The following FKRP variants were observed in gnomAD, a reference collection of about 807,000 sequenced individuals.
FKRP encodes ribitol 5-phosphate transferase FKRP.
A neutral mutation model predicts 30.6 loss-of-function variants in FKRP; 25 were observed. That is an observed-to-expected ratio of 0.82 (90% confidence interval 0.60 to 1.14). The LOEUF is 1.14. Ranked by LOEUF, FKRP falls within the 50% of genes most tolerant of loss-of-function variation. The probability of loss-of-function intolerance (pLI) is 0.00; values close to 1 mark genes in which losing one functional copy is unlikely to be tolerated. For synonymous variants in FKRP, 358 were observed against 342.5 expected, an observed-to-expected ratio of 1.05 and a Z score of -0.50; for missense variants, 771 against 727.8, an observed-to-expected ratio of 1.06 and a Z score of -0.68.
At chr19:46,753,967 G>A (rs772362449) in intron 3 of FKRP, 9 of 151,640 alleles carry the variant, frequency 5.9e-5, no homozygotes, top group Non-Finnish European at 1.0e-4. Context: ...AGGAGACAGC[G>A]CCATCTGGTG....
intron 3 of FKRP, among the ~76,000 whole-genome samples, chr19:46,750,323 T>C (rs1207092495): frequency 1.3e-5 from 2 of 152,200 alleles, no homozygotes; most frequent in South Asian, 4.1e-4. Context: ...CATCTGGCCA[T>C]CAAATCTGCT....
At chr19:46,746,227 G>T (rs763969884) in intron 1 of FKRP, 137 bp downstream of exon 1, 6 of 1,531,272 alleles carry the variant, frequency 3.9e-6, no homozygotes, top group Non-Finnish European at 5.2e-6. Context: ...TAAAGTGCAG[G>T]ATCCCCGGCA....
chr19:46,757,153 A>G lies in FKRP; in HGVS notation c.*215A>G. The stretch of plus-strand genomic sequence containing the variant: ...CGACCTCCAGATTTATCAAATGGTC[A>G]TGCCCACTGGGAGCCGTGGATATGC... On this transcript the variant is annotated 3_prime_UTR_variant, in exon 4 of 4. Coordinates refer to ENST00000318584, the MANE Select transcript of FKRP (RefSeq NM_024301.5). The G allele has an allele frequency of 4.5e-6, 3 of 668,750 alleles. No individual in the cohort carries two copies. Among genetic ancestry groups the G allele is most frequent in the Non-Finnish European group, 7.9e-6 (3 of 377,554 alleles). The allele number at this position is 668,750 out of a possible 1,614,324, so 41.4% of individuals were successfully genotyped here.
In FKRP at chr19:46,756,112, G is replaced by C; in HGVS notation, c.662G>C (p.Ser221Thr). 6.6e-7 allele frequency: 1 copy of C among 1,525,216 alleles called. No homozygotes were observed. The highest frequency in any genetic ancestry group is 1.2e-5 in the South Asian group (1 of 81,638). The allele number at this position is 1,525,216 out of a possible 1,614,324, so 94.5% of individuals were successfully genotyped here. A position where few individuals can be genotyped will look rare whatever the true frequency, so the allele number is the denominator to read the frequency against. ...CCCCTGGCCCGGCCGGTGGGCACCA[G>C]CCTCTTTCTGCAGACCGCCCTTCGC... is the stretch of plus-strand genomic sequence containing the variant. ...SAPLARPVGT[S>T]LFLQTALRGW... is the part of the protein sequence containing the mutation. The change falls in exon 4 of 4, where the codon AGC (serine) becomes ACC (threonine). Residue 221 changes from serine to threonine, a missense_variant. By Grantham distance (58) the Ser-to-Thr change is moderately conservative. Transcript: ENST00000318584. The surrounding 1 kb of genome is among the most constrained non-coding windows in gnomAD (Gnocchi z 6.6).
rs1173430388 is a variant in FKRP at position 46,756,462 on chromosome 19, G to A, written c.1012G>A (p.Val338Met). The A allele has an allele frequency of 1.0e-5, 16 of 1,584,566 alleles. No homozygotes were observed. The highest frequency in any genetic ancestry group is 1.3e-5 in the Non-Finnish European group (15 of 1,165,810). ...GGTGGGCGTGCTGGAGGCTGCGGGC[G>A]TGCGCTACTGGCTCGAGGGCGGCTC... ...YVVGVLEAAG[V>M]RYWLEGGSLL... The change falls in exon 4 of 4, where the codon GTG becomes ATG. Residue 338 changes from valine to methionine, a missense_variant. By Grantham distance (21) the Val-to-Met change is conservative. Transcript: ENST00000318584. This position sits in a 1 kb window ranked among gnomAD's most constrained non-coding sequence, Gnocchi z 6.6.
intron 1 of FKRP, chr19:46,747,755 G>T (rs2054689332): frequency 6.6e-6 from 1 of 152,120 alleles, no homozygotes; most frequent in African/African-American, 2.4e-5. Context: ...TATGGAAGGG[G>T]TTGTCATGGT....
chr19:46,749,719 G>A (rs746844056), intron 3 of FKRP, among the ~76,000 whole-genome samples: 9 of 133,876 alleles, frequency 6.7e-5, no homozygotes, highest in Admixed American at 1.5e-4. Flanking sequence ...GCGAGACTCC[G>A]TCTCAAAAAA....
Position 46,757,128 on chromosome 19 carries a change from C to A in FKRP, c.*190C>A. The A allele has an allele frequency of 1.3e-6, 1 of 751,806 alleles. No homozygotes were observed. The highest frequency in any genetic ancestry group is 2.2e-6 in the Non-Finnish European group (1 of 446,726). The allele number at this position is 751,806 out of a possible 1,614,324, so 46.6% of individuals were successfully genotyped here. The stretch of plus-strand genomic sequence containing the variant: ...AGAGCACCAGGACGAGGATGGGAAG[C>A]GACCTCCAGATTTATCAAATGGTCA... On this transcript the variant is annotated 3_prime_UTR_variant, in exon 4 of 4. Coordinates refer to ENST00000318584, the MANE Select transcript of FKRP (RefSeq NM_024301.5).
At chr19:46,749,350 A>C (rs1303539667) in intron 3 of FKRP, among the ~76,000 whole-genome samples, 7 of 150,468 alleles carry the variant, frequency 4.7e-5, no homozygotes, top group African/African-American at 1.5e-4. Context: ...CCACTACTTC[A>C]CATTGTGTGA....
At chr19:46,748,780 C>T (rs2054726073) in intron 3 of FKRP, 115 bp downstream of exon 3, 1 of 152,330 alleles carries the variant, frequency 6.6e-6, no homozygotes, top group African/African-American at 2.4e-5. Flanking sequence ...GACAGGGTCT[C>T]ACCCAGGCTA....
chr19:46,746,495 C>A (rs1282546866), intron 1 of FKRP: 5 of 394,880 alleles, frequency 1.3e-5, no homozygotes, highest in Non-Finnish European at 1.5e-5. Context: ...GCGCCAACAC[C>A]CCCCCCCCTC....
At chr19:46,755,239 C>G (rs964410690) in intron 3 of FKRP, among the ~76,000 whole-genome samples, 173 bp from the exon 4 acceptor site, 4 of 151,710 alleles carry the variant, frequency 2.6e-5, no homozygotes, top group Non-Finnish European at 5.9e-5. Flanking sequence ...GTGCATGGCC[C>G]AGACTGGGAG....
intron 3 of FKRP, among the ~76,000 whole-genome samples, chr19:46,750,434 A>G (rs952368583): frequency 6.6e-6 from 1 of 152,192 alleles, no homozygotes; most frequent in Admixed American, 6.5e-5. Flanking sequence ...CCTGGCCCAG[A>G]GTCAGTCAGA....
chr19:46,746,588 G>A (rs1400338578), intron 1 of FKRP: 1 of 241,640 alleles, frequency 4.1e-6, no homozygotes, highest in Admixed American at 6.5e-5. Context: ...CGCCCACCCG[G>A]GTCTACACCG....
At chr19:46,751,945 C>T (rs1177985398) in intron 3 of FKRP, among the ~76,000 whole-genome samples, 1 of 151,940 alleles carries the variant, frequency 6.6e-6, no homozygotes, top group Non-Finnish European at 1.5e-5. Flanking sequence ...GGGGTGGGGG[C>T]CGGCGCAGTG....
intron 3 of FKRP, among the ~76,000 whole-genome samples, chr19:46,751,992 TCAGA>T (rs1254752603): frequency 4.6e-5 from 7 of 152,132 alleles, no homozygotes; most frequent in African/African-American, 9.7e-5. Context: ...ATAAGAACAC[TCAGA>T]CAGAGGCAAC....
chr19:46,758,286 T>C lies in FKRP; in HGVS notation c.*1348T>C, dbSNP rs1203323179. On this transcript the variant is annotated 3_prime_UTR_variant, in exon 4 of 4. Coordinates refer to ENST00000318584, the MANE Select transcript of FKRP (RefSeq NM_024301.5). ...TTGTCTTACCCACTATGCCCCTCTC[T>C]AGTCATGGTCCCCAAGAGGGGCTTG... 6.0e-6 allele frequency: 1 copy of C among 167,054 alleles called. No homozygotes were observed. Among genetic ancestry groups the C allele is most frequent in the Non-Finnish European group, 1.5e-5 (1 of 68,134 alleles). The allele number at this position is 167,054 out of a possible 1,614,324, so 10.3% of individuals were successfully genotyped here.
intron 3 of FKRP, among the ~76,000 whole-genome samples, chr19:46,752,821 C>T (rs1407316449): frequency 2.6e-5 from 4 of 151,912 alleles, no homozygotes; most frequent in Admixed American, 2.6e-4. Context: ...GCCGTGATTG[C>T]ACCACTGCAC....
intron 3 of FKRP, among the ~76,000 whole-genome samples, chr19:46,749,859 A>G (rs184037797): frequency 5.9e-5 from 9 of 152,222 alleles, no homozygotes; most frequent in Admixed American, 4.6e-4. Context: ...CTGGGACTAC[A>G]GGTGCACACC....
Sources: gnomAD v4.1 joint callset for allele counts (sites outside exome capture counted in the v4.1 genomes callset) on GRCh38, gnomAD v4.1.1 for gene constraint, Gnocchi (gnomAD v3.1) non-coding constraint, MANE v1.5 for transcripts, NCBI Gene and HGNC (gene_info 2026-07-23, HGNC 2026-07-21) for gene names.